Variants in PDE1C observed in about 807,000 individuals in gnomAD.
PDE1C encodes the protein dual specificity calcium/calmodulin-dependent 3',5'-cyclic nucleotide phosphodiesterase 1C.
A neutral mutation model predicts 93.1 loss-of-function variants in PDE1C; 62 were observed. The ratio of observed to expected loss-of-function variants is 0.67; its 90% CI spans 0.54 to 0.82. The LOEUF is 0.82. Among genes scored for constraint, PDE1C ranks in the 40% least tolerant of loss-of-function variants. PDE1C has a pLI of 0.00. For missense variants in PDE1C, 742 were observed against 884.6 expected, an observed-to-expected ratio of 0.84 and a Z score of 2.04; for synonymous variants, 325 against 310.1, an observed-to-expected ratio of 1.05 and a Z score of -0.50.
At chr7:32,398,899 G>A (rs1322745542) in intron 1 of PDE1C, among the ~76,000 whole-genome samples, 2 of 152,110 alleles carry the variant, frequency 1.3e-5, no homozygotes, top group Admixed American at 1.3e-4. Context: ...GGGTTTGGAG[G>A]ATTAAACAGA....
intron 2 of PDE1C, among the ~76,000 whole-genome samples, chr7:32,170,244 G>A (rs1271891468): frequency 6.6e-6 from 1 of 152,088 alleles, no homozygotes; most frequent in Non-Finnish European, 1.5e-5. Context: ...CTATGTAGAT[G>A]TTTATTCAGC....
intron 3 of PDE1C, among the ~76,000 whole-genome samples, chr7:32,105,701 C>T (rs1379618142): frequency 7.5e-6 from 1 of 134,028 alleles, no homozygotes; most frequent in Admixed American, 7.4e-5. Context: ...CCACATCTGA[C>T]TTTTTTTTTT....
At chr7:32,082,786 G>A (rs967197503) in intron 3 of PDE1C, among the ~76,000 whole-genome samples, 1 of 152,204 alleles carries the variant, frequency 6.6e-6, no homozygotes, top group East Asian at 1.9e-4. Context: ...ACCTGCAGCT[G>A]AGGGTCCTGT....
intron 1 of PDE1C, among the ~76,000 whole-genome samples, chr7:32,358,052 C>T (rs1354291327): frequency 6.6e-6 from 1 of 152,250 alleles, no homozygotes; most frequent in African/African-American, 2.4e-5. Context: ...CGGAGAGCTA[C>T]ACTGTCTCCT....
intron 9 of PDE1C, among the ~76,000 whole-genome samples, chr7:31,846,222 T>TC (rs1229864461): frequency 1.3e-5 from 2 of 148,554 alleles, no homozygotes; most frequent in African/African-American, 5.0e-5. Context: ...CTTTTACTTT[T>TC]CTTTTTTTTT....
At chr7:31,825,383 G>C (rs761678618) in intron 12 of PDE1C, among the ~76,000 whole-genome samples, 3 of 152,094 alleles carry the variant, frequency 2.0e-5, no homozygotes, top group Non-Finnish European at 4.4e-5. Flanking sequence ...AAAAAGCCAA[G>C]TGACAGAGAT....
chr7:31,628,469 T>C, the PDE1C span, among the ~76,000 whole-genome samples: 2 of 151,734 alleles, frequency 1.3e-5, no homozygotes, highest in Non-Finnish European at 2.9e-5. Context: ...TTCTTTTTTT[T>C]TCTTTTTTTG....
chr7:32,214,769 G>A (rs986847445), intron 1 of PDE1C, among the ~76,000 whole-genome samples: 1 of 152,094 alleles, frequency 6.6e-6, no homozygotes, highest in South Asian at 2.1e-4. Context: ...CATTGTAAAC[G>A]GTTCTTTATA....
chr7:32,313,871 T>C (rs1484208625), intron 1 of PDE1C, among the ~76,000 whole-genome samples: 1 of 151,722 alleles, frequency 6.6e-6, no homozygotes, highest in Non-Finnish European at 1.5e-5. Context: ...AACCTGAACA[T>C]TGTGCACATG....
intron 1 of PDE1C, among the ~76,000 whole-genome samples, chr7:32,337,136 C>T (rs10237735): frequency 0.071 from 10,842 of 152,096 alleles, 1,354 homozygotes; most frequent in African/African-American, 0.25. Context: ...CTCTGGTCTC[C>T]TCCCTTCCAA....
chr7:32,297,997 CCT>C lies in PDE1C; in HGVS notation c.85+652_85+653del, dbSNP rs1166716211. 4.8e-3 allele frequency among the ~76,000 whole-genome samples: 38 copies of C among 7,846 alleles called. 1 individual carries two copies. Among genetic ancestry groups the C allele is most frequent in the African/African-American group, 0.02 (37 of 1,892 alleles). 5.1% of individuals were successfully genotyped at this position (7,846 alleles called of 152,430 possible). ...TCTCTCTCTCTCTCTCTCTCTCTCT[CCT>C]CTCTCTCTCTCTCTCTCCCTCTCTC... On this transcript the variant is annotated intron_variant, in intron 1 of 18. Transcript: ENST00000396193.
intron 2 of PDE1C, among the ~76,000 whole-genome samples, chr7:31,985,239 C>A (rs1472833905): frequency 6.6e-6 from 1 of 151,978 alleles, no homozygotes; most frequent in Non-Finnish European, 1.5e-5. Flanking sequence ...TCTTACAATT[C>A]TTTGCTCAGA....
intron 12 of PDE1C, among the ~76,000 whole-genome samples, chr7:31,825,567 G>C (rs1225398029): frequency 6.6e-6 from 1 of 152,164 alleles, no homozygotes; most frequent in Non-Finnish European, 1.5e-5. Context: ...AGATGTTTGA[G>C]CCGCATTGTC....
intron 3 of PDE1C, among the ~76,000 whole-genome samples, chr7:32,116,311 A>G (rs1798982180): frequency 1.3e-5 from 2 of 152,150 alleles, no homozygotes; most frequent in Non-Finnish European, 2.9e-5. Flanking sequence ...CTTCTAGCAC[A>G]GAGCTATACT....
intron 2 of PDE1C, among the ~76,000 whole-genome samples, chr7:31,957,769 G>A (rs1255515347): frequency 6.6e-6 from 1 of 152,128 alleles, no homozygotes; most frequent in Non-Finnish European, 1.5e-5. Flanking sequence ...GTATTGCTGG[G>A]TGGAATGGGG....
At chr7:32,299,256 A>G in exon 1 of PDE1C, 1 of 987,684 alleles carries the variant, frequency 1.0e-6, no homozygotes, top group Non-Finnish European at 1.2e-6. Context: ...GCTTCCAGAA[A>G]GCACATCAAC....
chr7:31,818,063 T>C (rs977737386), intron 14 of PDE1C, among the ~76,000 whole-genome samples: 1 of 152,152 alleles, frequency 6.6e-6, no homozygotes, highest in Non-Finnish European at 1.5e-5. Flanking sequence ...GTTTGAATGT[T>C]TTCCAGGTGA....
chr7:31,775,971 C>T (rs983874152), intron 16 of PDE1C, among the ~76,000 whole-genome samples: 3 of 152,024 alleles, frequency 2.0e-5, no homozygotes, highest in Non-Finnish European at 4.4e-5. Flanking sequence ...ATGTTGGGAC[C>T]GATGTGCCAC....
chr7:31,891,876 T>G (rs1161544608), intron 2 of PDE1C, among the ~76,000 whole-genome samples: 1 of 151,810 alleles, frequency 6.6e-6, no homozygotes, highest in East Asian at 1.9e-4. Flanking sequence ...TGAATAAGAT[T>G]GGTAGATTAT....
Sources: allele counts gnomAD v4.1 joint callset (sites outside exome capture counted in the v4.1 genomes callset), GRCh38; gene constraint gnomAD v4.1.1; transcripts MANE v1.5; gene names NCBI Gene and HGNC (gene_info 2026-07-23, HGNC 2026-07-21).